Variants in CYP19A1 observed in about 807,000 individuals in gnomAD.
CYP19A1 encodes aromatase.
CYP19A1 carries 32 observed loss-of-function variants against 44.4 expected under a neutral mutation model. The ratio of observed to expected loss-of-function variants is 0.72; its 90% confidence interval spans 0.54 to 0.97. The LOEUF (loss-of-function observed/expected upper bound fraction) is 0.97. CYP19A1 is among the 50% of genes least tolerant of loss of function. The pLI is 0.00. For synonymous variants in CYP19A1, 212 were observed against 215.6 expected, an observed-to-expected ratio of 0.98 and a Z score of 0.14; for missense variants, 598 against 637.8, an observed-to-expected ratio of 0.94 and a Z score of 0.67.
chr15:51,285,108 C>T (rs1213562337), intron 1 of CYP19A1, among the ~76,000 whole-genome samples: 5 of 152,200 alleles, frequency 3.3e-5, no homozygotes, highest in African/African-American at 9.6e-5. Context: ...ACTGCTGGAG[C>T]GCCAGGGTTT....
intron 4 of CYP19A1, among the ~76,000 whole-genome samples, chr15:51,225,941 T>G (rs2032534025): frequency 6.6e-6 from 1 of 151,484 alleles, no homozygotes; most frequent in Non-Finnish European, 1.5e-5. Flanking sequence ...TACAAAAAAT[T>G]AGCTGGGCGT....
Position 51,227,815 on chromosome 15 carries a change from C to G in CYP19A1, c.415G>C (p.Glu139Gln), listed in dbSNP as rs755633611. 6.4e-7 allele frequency: 1 copy of G among 1,552,558 alleles called. No homozygotes were observed. Among genetic ancestry groups the G allele is most frequent in the South Asian group, 1.1e-5 (1 of 89,804 alleles). The stretch of plus-strand genomic sequence containing the variant: ...AAGGGTCGAGTTGTTTTCCAGAGCT[C>G]TGGATTGTTGTTAAATATGATGCCT... ...EKGIIFNNNP[E>Q]LWKTTRPFFM... Residue 139 changes from glutamate to glutamine, a missense_variant, in exon 4 of 10, where the codon GAG (glutamate) becomes CAG (glutamine). Coordinates refer to ENST00000396402, the MANE Select transcript of CYP19A1 (RefSeq NM_000103.4).
At chr15:51,264,795 T>C (rs939255130) in intron 1 of CYP19A1, among the ~76,000 whole-genome samples, 5 of 152,168 alleles carry the variant, frequency 3.3e-5, no homozygotes, top group Non-Finnish European at 7.4e-5. Context: ...CTGATGTTAC[T>C]TGATATCCTC....
intron 6 of CYP19A1, among the ~76,000 whole-genome samples, chr15:51,217,711 C>T (rs947310383): frequency 1.4e-4 from 21 of 152,316 alleles, no homozygotes; most frequent in African/African-American, 5.1e-4. Flanking sequence ...TTAGTACCCT[C>T]TATGTGCCAT....
rs367660091 is a variant in CYP19A1, at chr15:51,264,666, C to T, written c.-38-21716G>A. 3.9e-5 allele frequency among the ~76,000 whole-genome samples: 6 copies of T among 152,178 alleles called. 1 individual carries two copies. The highest frequency in any genetic ancestry group is 2.4e-5 in the African/African-American group (1 of 41,528). ...GAAGAGAAAGAGTTGGAAGGATCACCGGGGAACAAGAAGAGTTGGATGCAG... is the reference window on the plus strand; with the variant it reads ...GAAGAGAAAGAGTTGGAAGGATCACTGGGGAACAAGAAGAGTTGGATGCAG... On this transcript the variant is annotated intron_variant, in intron 1 of 9. Coordinates refer to ENST00000396402, the MANE Select transcript of CYP19A1 (RefSeq NM_000103.4).
intron 2 of CYP19A1, among the ~76,000 whole-genome samples, chr15:51,240,916 A>G (rs993228419): frequency 6.6e-6 from 1 of 151,738 alleles, no homozygotes; most frequent in Non-Finnish European, 1.5e-5. Flanking sequence ...AGGCAGATCA[A>G]CTCCCTGGGT....
chr15:51,331,200 T>C (rs1352745086), intron 1 of CYP19A1, among the ~76,000 whole-genome samples: 1 of 152,192 alleles, frequency 6.6e-6, no homozygotes, highest in Non-Finnish European at 1.5e-5. Flanking sequence ...TAACATTAAA[T>C]GTTCAGCAAC....
At chr15:51,290,544 T>A (rs1361712172) in intron 1 of CYP19A1, among the ~76,000 whole-genome samples, 2 of 152,204 alleles carry the variant, frequency 1.3e-5, no homozygotes, top group African/African-American at 4.8e-5. Context: ...AAAATTCCAA[T>A]TGGCCAGGTG....
intron 1 of CYP19A1, among the ~76,000 whole-genome samples, chr15:51,268,493 C>T (rs1402810096): frequency 6.7e-6 from 1 of 148,768 alleles, no homozygotes. Context: ...CCATTCACTT[C>T]TTAAGGAGCA....
chr15:51,285,815 C>T (rs1052678545), intron 1 of CYP19A1, among the ~76,000 whole-genome samples: 6 of 152,184 alleles, frequency 3.9e-5, no homozygotes, highest in African/African-American at 1.2e-4. Context: ...TCCATACTTG[C>T]GTTAGCCCAC....
At chr15:51,218,021 C>A (rs1188223288) in intron 6 of CYP19A1, among the ~76,000 whole-genome samples, 1 of 152,044 alleles carries the variant, frequency 6.6e-6, no homozygotes, top group African/African-American at 2.4e-5. Flanking sequence ...AATTTCAGGA[C>A]CCCCAAAACA....
chr15:51,248,125 A>G (rs748160404), intron 1 of CYP19A1, among the ~76,000 whole-genome samples: 22 of 152,276 alleles, frequency 1.4e-4, no homozygotes, highest in African/African-American at 3.6e-4. Context: ...TGGACCCTCA[A>G]TCCTCTCTTG....
At chr15:51,214,821 C>G (rs1158848148) in intron 8 of CYP19A1, among the ~76,000 whole-genome samples, 1 of 152,208 alleles carries the variant, frequency 6.6e-6, no homozygotes. Flanking sequence ...ATGTCACTTA[C>G]TGCTTTACAC....
At chr15:51,307,334 A>G (rs1304357080) in intron 1 of CYP19A1, among the ~76,000 whole-genome samples, 2 of 152,218 alleles carry the variant, frequency 1.3e-5, no homozygotes, top group South Asian at 2.1e-4. Flanking sequence ...TAGAAAATCT[A>G]TTGATGTCAC....
rs1187206610 is a variant in CYP19A1, at chr15:51,210,073, T to C, written c.*735A>G. On this transcript the variant is annotated 3_prime_UTR_variant, in exon 10 of 10. Transcript: ENST00000396402. Reference sequence around the variant, plus strand: ...TACTTAACCCAGGCTATTACTAAATTAGTTTGTATTACTTGATGATTATAT... The same window carrying C: ...TACTTAACCCAGGCTATTACTAAATCAGTTTGTATTACTTGATGATTATAT... The C allele has an allele frequency of 1.3e-5, 3 of 234,252 alleles. No homozygotes were observed. Among genetic ancestry groups the C allele is most frequent in the Non-Finnish European group, 2.5e-5 (3 of 117,710 alleles). The allele number at this position is 234,252 out of a possible 1,614,324, so 14.5% of individuals were successfully genotyped here.
chr15:51,290,004 A>G (rs1040151399), intron 1 of CYP19A1, among the ~76,000 whole-genome samples: 1 of 152,176 alleles, frequency 6.6e-6, no homozygotes, highest in Non-Finnish European at 1.5e-5. Context: ...GTGATATAGC[A>G]GGCCTGAAAC....
intron 1 of CYP19A1, among the ~76,000 whole-genome samples, chr15:51,243,452 G>C (rs922819181): frequency 1.3e-5 from 2 of 152,098 alleles, no homozygotes; most frequent in Non-Finnish European, 2.9e-5. Flanking sequence ...TCTACAGTAA[G>C]AACACATTTC....
intron 1 of CYP19A1, chr15:51,277,528 G>T (rs1321041811): frequency 6.6e-6 from 1 of 152,152 alleles, no homozygotes; most frequent in Non-Finnish European, 1.5e-5. Flanking sequence ...CTTTCTACTG[G>T]AATTGACATT....
chr15:51,225,289 G>C (rs2032477834), intron 4 of CYP19A1, among the ~76,000 whole-genome samples: 1 of 152,190 alleles, frequency 6.6e-6, no homozygotes, highest in Non-Finnish European at 1.5e-5. Context: ...ATTAGCTCTT[G>C]CATGTCAGGG....
Sources: gnomAD v4.1 joint callset for allele counts (sites outside exome capture counted in the v4.1 genomes callset) on GRCh38, gnomAD v4.1.1 for gene constraint, MANE v1.5 for transcripts, NCBI Gene and HGNC (gene_info 2026-07-23, HGNC 2026-07-21) for gene names.